Variants in ROCK1 observed in about 807,000 individuals in gnomAD.
The protein encoded by ROCK1 is rho-associated protein kinase 1.
A neutral mutation model predicts 196.8 loss-of-function variants in ROCK1; 36 were observed. The observed-to-expected ratio is 0.18, with a 90% CI of 0.14 to 0.24. The LOEUF (loss-of-function observed/expected upper bound fraction) is 0.24. Ranked by LOEUF, ROCK1 falls within the 10% of genes least tolerant of loss-of-function variation. The probability of loss-of-function intolerance (pLI) is 1.00; values close to 1 mark genes in which losing one functional copy is unlikely to be tolerated. For synonymous variants in ROCK1, 443 were observed against 515.9 expected (o/e 0.86, Z 1.91); for missense variants, 920 against 1,562.0 (o/e 0.59, Z 6.93).
intron 1 of ROCK1, among the ~76,000 whole-genome samples, chr18:21,077,060 G>A (rs2036438998): frequency 7.1e-6 from 1 of 139,922 alleles, no homozygotes; most frequent in Non-Finnish European, 1.5e-5. Flanking sequence ...TGCAAGCTCC[G>A]CTTCCCGGGT....
chr18:20,969,107 C>T lies in ROCK1; in HGVS notation c.2914+8G>A. On this transcript the variant is annotated splice_region_variant and intron_variant, in intron 24 of 32. Coordinates refer to ENST00000399799, the MANE Select transcript of ROCK1 (RefSeq NM_005406.3). ...TTAACATGATGATTTTTTAAAAATT[C>T]TACATACCTTCCTCTGCCTTCTTCA... The T allele has an allele frequency of 2.0e-6, 3 of 1,535,492 alleles. No homozygotes were observed. The highest frequency in any genetic ancestry group is 2.7e-6 in the Non-Finnish European group (3 of 1,119,244).
At chr18:21,026,886 A>G (rs1354254670) in intron 10 of ROCK1, among the ~76,000 whole-genome samples, 2 of 151,882 alleles carry the variant, frequency 1.3e-5, no homozygotes, top group African/African-American at 4.8e-5. Context: ...GTGTTATCAT[A>G]TAGTTCAATG....
Position 21,049,880 on chromosome 18 carries a change from T to C in ROCK1, c.176A>G (p.Tyr59Cys), listed in dbSNP as rs1317001172. 3 of 1,538,918 alleles carry C rather than the reference T, an allele frequency of 1.9e-6. No homozygotes were observed. The highest frequency in any genetic ancestry group is 2.7e-6 in the Non-Finnish European group (3 of 1,124,352). The change falls in exon 3 of 33, where the codon TAT becomes TGT. Residue 59 changes from tyrosine to cysteine, a missense_variant and splice_region_variant. This residue lies in a region of ROCK1 where 234 missense variants were observed against 460.7 expected (regional missense o/e 0.51). Transcript: ENST00000399799. ...TCTGATTTTATTTATTGTGTCTTTA[T>C]CTGTATGAAAAGAAAAGTTTATCAT... ...NKNIDNFLSR[Y>C]KDTINKIRDL...
intron 16 of ROCK1, among the ~76,000 whole-genome samples, chr18:20,999,743 C>T (rs1372417132): frequency 6.6e-6 from 1 of 152,102 alleles, no homozygotes; most frequent in Non-Finnish European, 1.5e-5. Flanking sequence ...CTGCCTCTGT[C>T]AGCCAGGCTG....
chr18:21,006,561 C>G lies in ROCK1; in HGVS notation c.1675G>C (p.Asp559His), dbSNP rs1378684884. The G allele has an allele frequency of 6.2e-7, 1 of 1,613,626 alleles. No individual in the cohort carries two copies. The highest frequency in any genetic ancestry group is 1.7e-5 in the Admixed American group (1 of 60,000). Residue 559 changes from aspartate to histidine, a missense_variant, in exon 16 of 33, where the codon GAC (aspartate) becomes CAC (histidine). By Grantham distance (81) the Asp-to-His change is moderately conservative. Around this residue, in one of 6 missense-constraint regions of ROCK1, gnomAD observed 520 missense variants for 657.1 expected, o/e 0.79. Transcript: ENST00000399799. The part of the protein sequence containing the change: ...EANDLLRTES[D>H]TAVRLRKSHT... ...CTCTTCCTCAATCTTACAGCTGTGT[C>G]CGATTCTGTCCTAAGTAAGTCATTG... is the stretch of plus-strand genomic sequence containing the variant.
chr18:21,024,918 A>T (rs1187359466), intron 10 of ROCK1, among the ~76,000 whole-genome samples: 1 of 152,206 alleles, frequency 6.6e-6, no homozygotes, highest in Non-Finnish European at 1.5e-5. Flanking sequence ...GCATCTCAGA[A>T]ATTCAATGTG....
intron 1 of ROCK1, among the ~76,000 whole-genome samples, chr18:21,092,074 C>T (rs1459692142): frequency 6.6e-6 from 1 of 152,204 alleles, no homozygotes; most frequent in South Asian, 2.1e-4. Context: ...CCTCTAACCA[C>T]CATGCTGTTC....
Position 20,951,142 on chromosome 18 carries a change from G to C in ROCK1, c.*242C>G, listed in dbSNP as rs925309143. Reference sequence around the variant, plus strand: ...TTTTAAAAAAAATATATCTACCTAAGCTTTCCCCCAACTGTACTTGCATTA... The same window carrying C: ...TTTTAAAAAAAATATATCTACCTAACCTTTCCCCCAACTGTACTTGCATTA... On this transcript the variant is annotated 3_prime_UTR_variant, in exon 33 of 33. Transcript: ENST00000399799. The C allele has an allele frequency of 2.6e-6, 1 of 383,526 alleles. No individual in the cohort carries two copies. The highest frequency in any genetic ancestry group is 4.8e-6 in the Non-Finnish European group (1 of 209,136). 23.8% of individuals were successfully genotyped at this position (383,526 alleles called of 1,614,324 possible).
intron 2 of ROCK1, among the ~76,000 whole-genome samples, chr18:21,051,703 G>T (rs2036205345): frequency 6.6e-6 from 1 of 152,124 alleles, no homozygotes; most frequent in Non-Finnish European, 1.5e-5. Context: ...CTCTCTACAT[G>T]AAATAGATCA....
chr18:20,977,869 T>C (rs1461021118), intron 22 of ROCK1, among the ~76,000 whole-genome samples: 3 of 152,190 alleles, frequency 2.0e-5, no homozygotes, highest in African/African-American at 7.2e-5. Context: ...GACTAGATTC[T>C]ACAATATGAC....
intron 18 of ROCK1, among the ~76,000 whole-genome samples, chr18:20,987,569 T>A (rs990811551): frequency 1.3e-5 from 2 of 152,200 alleles, no homozygotes; most frequent in African/African-American, 4.8e-5. Context: ...TGAATAAGAT[T>A]CCACAGTAGT....
chr18:21,067,676 C>T (rs1689395607), intron 2 of ROCK1, among the ~76,000 whole-genome samples: 2 of 152,162 alleles, frequency 1.3e-5, no homozygotes, highest in East Asian at 1.9e-4. Flanking sequence ...CGTGAGCCAC[C>T]ATGCCTGGCC....
At chr18:21,023,510 A>G (rs2035931575) in intron 11 of ROCK1, 110 bp downstream of exon 11, 1 of 508,422 alleles carries the variant, frequency 2.0e-6, no homozygotes, top group Admixed American at 4.2e-5. Flanking sequence ...ATCTAAGTTC[A>G]GCTAACCACA....
chr18:20,988,065 C>CT lies in ROCK1; in HGVS notation c.2144-956dup, dbSNP rs894793074. 3.6e-4 allele frequency among the ~76,000 whole-genome samples: 54 copies of CT among 149,258 alleles called. No individual in the cohort carries two copies. The Middle Eastern group carries it at 0.01, about 28-fold the overall frequency. Reference sequence around the variant, plus strand: ...CACTCCAACCCCAGTTAGACTCAGTCTTTTTTTTTTCTTTTTTTGAGATGG... The same window carrying CT: ...CACTCCAACCCCAGTTAGACTCAGTCTTTTTTTTTTTCTTTTTTTGAGATGG... On this transcript the variant is annotated intron_variant, in intron 18 of 32. Coordinates refer to ENST00000399799, the MANE Select transcript of ROCK1 (RefSeq NM_005406.3).
chr18:21,036,433 T>C (rs1266324299), intron 9 of ROCK1, among the ~76,000 whole-genome samples: 2 of 152,198 alleles, frequency 1.3e-5, no homozygotes, highest in African/African-American at 2.4e-5. Context: ...AGTTACCACA[T>C]ATTTAATGTA....
At chr18:21,036,504 G>A (rs2036058593) in intron 9 of ROCK1, among the ~76,000 whole-genome samples, 1 of 152,200 alleles carries the variant, frequency 6.6e-6, no homozygotes, top group Admixed American at 6.5e-5. Context: ...GAATGCAGTA[G>A]CATTATCATA....
intron 12 of ROCK1, among the ~76,000 whole-genome samples, chr18:21,017,958 G>A (rs1447918379): frequency 6.6e-6 from 1 of 150,824 alleles, no homozygotes; most frequent in African/African-American, 2.4e-5. Flanking sequence ...GGGTGACAGA[G>A]TGAGACTCTG....
At chr18:20,979,118 G>A (rs1247922401) in intron 22 of ROCK1, among the ~76,000 whole-genome samples, 1 of 152,074 alleles carries the variant, frequency 6.6e-6, no homozygotes, top group Non-Finnish European at 1.5e-5. Context: ...CCTTGGAGAT[G>A]GGGTCTCATT....
intron 11 of ROCK1, among the ~76,000 whole-genome samples, chr18:21,021,141 C>T (rs1375155785): frequency 9.9e-5 from 15 of 152,098 alleles, no homozygotes; most frequent in African/African-American, 3.1e-4. Context: ...ATGACCAAAC[C>T]GACTGGAAGT....
Sources: allele counts gnomAD v4.1 joint callset (sites outside exome capture counted in the v4.1 genomes callset), GRCh38; gene constraint gnomAD v4.1.1; regional missense constraint gnomAD v4.1.1; transcripts MANE v1.5; gene names NCBI Gene and HGNC (gene_info 2026-07-23, HGNC 2026-07-21).